MEGF11: variants seen among roughly 807,000 people sequenced by gnomAD.
MEGF11 encodes the protein multiple EGF like domains 11.
MEGF11 carries 126 observed loss-of-function variants against 146.6 expected under a neutral mutation model. The observed-to-expected ratio is 0.86, with a 90% CI of 0.74 to 1.00. The LOEUF is 1.00. Among genes scored for constraint, MEGF11 ranks in the 50% least tolerant of loss-of-function variants. MEGF11 has a pLI of 0.00. For synonymous variants in MEGF11, 532 were observed against 583.4 expected (o/e 0.91, Z 1.27); for missense variants, 1,509 against 1,521.2 (o/e 0.99, Z 0.13).
chr15:65,943,003 T>C (rs1340764966), intron 10 of MEGF11, among the ~76,000 whole-genome samples: 2 of 117,498 alleles, frequency 1.7e-5, no homozygotes, highest in Non-Finnish European at 3.5e-5. Context: ...TTTTTTTTTT[T>C]TAACACGGAG....
At chr15:66,033,950 C>A (rs1256912801) in intron 5 of MEGF11, among the ~76,000 whole-genome samples, 1 of 152,146 alleles carries the variant, frequency 6.6e-6, no homozygotes, top group Non-Finnish European at 1.5e-5. Context: ...ACCACCACAC[C>A]CAGCTAATTT....
At chr15:65,903,423 T>G (rs1189948600) in intron 24 of MEGF11, among the ~76,000 whole-genome samples, 2 of 152,154 alleles carry the variant, frequency 1.3e-5, no homozygotes, top group South Asian at 2.1e-4. Flanking sequence ...GGGATGACAG[T>G]GAGTGGAGTT....
chr15:66,146,853 A>AG (rs2089393411), intron 1 of MEGF11, among the ~76,000 whole-genome samples: 2 of 152,228 alleles, frequency 1.3e-5, no homozygotes, highest in South Asian at 2.1e-4. Flanking sequence ...GCACCTTCTC[A>AG]GGGGGGTGTC....
chr15:65,969,470 AGTGTTGATGAACACTG>A (rs2081229867), intron 8 of MEGF11, among the ~76,000 whole-genome samples: 1 of 152,206 alleles, frequency 6.6e-6, no homozygotes. Context: ...GCTGGGGAAC[AGTGTTGATGAACACTG>A]GCTCACAAAG....
intron 1 of MEGF11, among the ~76,000 whole-genome samples, chr15:66,237,778 C>A (rs577582432): frequency 6.6e-6 from 1 of 152,274 alleles, no homozygotes; most frequent in African/African-American, 2.4e-5. Context: ...CATGGATGGC[C>A]AGGAGAGGAC....
chr15:66,111,332 T>G lies in MEGF11; in HGVS notation c.301+7754A>C, dbSNP rs1471168577. ...ATAAAGCCCCCATTCCACTTCTCTCTGTAAAACAGAGTCAGTTCCAGTGAT... is the reference window on the plus strand; with the variant it reads ...ATAAAGCCCCCATTCCACTTCTCTCGGTAAAACAGAGTCAGTTCCAGTGAT... On this transcript the variant is annotated intron_variant, in intron 4 of 25. Coordinates refer to ENST00000395614, the MANE Select transcript of MEGF11 (RefSeq NM_001385028.1). Among the ~76,000 whole-genome samples, 5 of 152,380 alleles carry G rather than the reference T, an allele frequency of 3.3e-5. No homozygotes were observed. The South Asian group carries it at 8.3e-4, about 25-fold the overall frequency.
intron 21 of MEGF11, among the ~76,000 whole-genome samples, chr15:65,911,500 C>T (rs1166589366): frequency 6.6e-6 from 1 of 152,204 alleles, no homozygotes; most frequent in Non-Finnish European, 1.5e-5. Context: ...CAGCCTCCAC[C>T]TCCTGGGTTC....
At chr15:66,139,911 C>T (rs2089068478) in intron 1 of MEGF11, among the ~76,000 whole-genome samples, 1 of 152,166 alleles carries the variant, frequency 6.6e-6, no homozygotes, top group African/African-American at 2.4e-5. Flanking sequence ...CAGCAGGGCA[C>T]AGGCCACCCT....
chr15:65,915,424 T>C (rs2078959913), intron 19 of MEGF11, 46 bp downstream of exon 19: 3 of 1,603,726 alleles, frequency 1.9e-6, no homozygotes, highest in Admixed American at 1.7e-5. Flanking sequence ...AGAGCTGCCA[T>C]GGGGCCCTTT....
At chr15:66,022,622 T>C (rs2140183446) in intron 5 of MEGF11, among the ~76,000 whole-genome samples, 1 of 152,250 alleles carries the variant, frequency 6.6e-6, no homozygotes, top group Admixed American at 6.5e-5. Context: ...GCCAGTAGTT[T>C]GGGACCAGCC....
chr15:65,922,432 T>C lies in MEGF11; in HGVS notation c.1863A>G (p.Pro621=). The C allele has an allele frequency of 6.3e-7, 1 of 1,587,724 alleles. No homozygotes were observed. Among genetic ancestry groups the C allele is most frequent in the Non-Finnish European group, 8.6e-7 (1 of 1,167,866 alleles). ...TGCTGCTGTGCACGCAGAGGGGGCA[T>C]GGCTGGGCGCAGCCGTGGCCATAGA... ...PGFYGHGCAQ[P]CPLCVHSSRP... The change falls in exon 15 of 26, where the codon CCA becomes CCG. Residue 621 remains proline, a synonymous_variant. Transcript: ENST00000395614.
At chr15:66,235,529 A>G (rs562346922) in intron 1 of MEGF11, among the ~76,000 whole-genome samples, 2 of 151,744 alleles carry the variant, frequency 1.3e-5, no homozygotes, top group African/African-American at 4.9e-5. Flanking sequence ...CAAAATCTGT[A>G]ACAAATCCAG....
intron 4 of MEGF11, among the ~76,000 whole-genome samples, chr15:66,095,836 G>A (rs2086524996): frequency 6.6e-6 from 1 of 152,176 alleles, no homozygotes; most frequent in South Asian, 2.1e-4. Flanking sequence ...GAGGGTTGTG[G>A]TGCTTCCCCA....
chr15:66,248,182 A>C (rs59967396), intron 1 of MEGF11, among the ~76,000 whole-genome samples: 5,946 of 152,208 alleles, frequency 0.039, 393 homozygotes, highest in African/African-American at 0.14. Context: ...ACACCTGGAA[A>C]TGTTGCCACC....
intron 15 of MEGF11, among the ~76,000 whole-genome samples, chr15:65,918,925 A>C (rs1036084107): frequency 3.9e-5 from 6 of 152,166 alleles, no homozygotes; most frequent in Non-Finnish European, 7.3e-5. Context: ...AGCTTTCTTC[A>C]TGGCACTCCT....
At chr15:66,100,204 G>A (rs1365005677) in intron 4 of MEGF11, among the ~76,000 whole-genome samples, 1 of 152,180 alleles carries the variant, frequency 6.6e-6, no homozygotes, top group Admixed American at 6.5e-5. Context: ...CTGTGGGCTG[G>A]GCTCTGTGGG....
chr15:66,153,465 C>T (rs182726591), intron 1 of MEGF11, among the ~76,000 whole-genome samples: 9 of 152,078 alleles, frequency 5.9e-5, no homozygotes, highest in Admixed American at 1.3e-4. Flanking sequence ...CCCAGCTACT[C>T]GGGAGGCTGA....
At chr15:66,079,547 C>G (rs1466935246) in intron 5 of MEGF11, among the ~76,000 whole-genome samples, 1 of 150,362 alleles carries the variant, frequency 6.7e-6, no homozygotes, top group African/African-American at 2.5e-5. Context: ...ACCCCCCCCC[C>G]CAGCACCCCC....
intron 1 of MEGF11, among the ~76,000 whole-genome samples, chr15:66,132,968 T>G (rs1005204043): frequency 6.6e-6 from 1 of 152,068 alleles, no homozygotes; most frequent in Non-Finnish European, 1.5e-5. Context: ...CAAGACATCT[T>G]TGTCAACTGA....
Sources: gnomAD v4.1 joint callset for allele counts (sites outside exome capture counted in the v4.1 genomes callset) on GRCh38, gnomAD v4.1.1 for gene constraint, MANE v1.5 for transcripts, NCBI Gene and HGNC (gene_info 2026-07-23, HGNC 2026-07-21) for gene names.